SENP8: variants seen among roughly 807,000 people sequenced by gnomAD.
SENP8 encodes the protein SUMO peptidase family member, NEDD8 specific.
A neutral mutation model predicts 14.4 loss-of-function variants in SENP8; 10 were observed. The observed-to-expected ratio is 0.69, with a 90% CI of 0.43 to 1.18. The LOEUF (loss-of-function observed/expected upper bound fraction) is 1.18, where lower values mean the gene tolerates loss of function less well. Ranked by LOEUF, SENP8 falls within the 50% of genes most tolerant of loss-of-function variation. The pLI, the probability that SENP8 is intolerant of heterozygous loss-of-function variation, is 0.00. For missense variants in SENP8, 202 were observed against 249.4 expected (o/e 0.81, Z 1.28); for synonymous variants, 94 against 95.5 (o/e 0.98, Z 0.09).
At chr15:72,124,868 C>T (rs1045853837) in intron 1 of SENP8, among the ~76,000 whole-genome samples, 1 of 152,082 alleles carries the variant, frequency 6.6e-6, no homozygotes, top group African/African-American at 2.4e-5. Flanking sequence ...GATATTTACA[C>T]TTGATGGATA....
intron 1 of SENP8, among the ~76,000 whole-genome samples, chr15:72,133,792 C>T (rs928419539): frequency 6.6e-6 from 1 of 152,144 alleles, no homozygotes; most frequent in Non-Finnish European, 1.5e-5. Flanking sequence ...GAAACTATTT[C>T]ATTCTCACTC....
upstream of SENP8, among the ~76,000 whole-genome samples, chr15:72,115,859 GACACA>G (rs2080952873): frequency 6.6e-6 from 1 of 151,914 alleles, no homozygotes; most frequent in African/African-American, 2.4e-5. Flanking sequence ...TATAACATCA[GACACA>G]TTTAAAAGAA....
chr15:72,120,269 A>C lies in SENP8; in HGVS notation c.-48+1805A>C, dbSNP rs2081153248. 2.6e-5 allele frequency among the ~76,000 whole-genome samples: 4 copies of C among 152,230 alleles called. No homozygotes were observed. The South Asian group carries it at 8.3e-4, about 32-fold the overall frequency. On this transcript the variant is annotated intron_variant, in intron 1 of 1. Coordinates refer to ENST00000340912, the MANE Select transcript of SENP8 (RefSeq NM_145204.4). ...AAGCAGGCCTTTAAACAAAGAATTC[A>C]CTTGGCAGGCAGAGAAGCTGTATGA...
At chr15:72,128,987 G>A (rs898029310) in intron 1 of SENP8, among the ~76,000 whole-genome samples, 11 of 152,046 alleles carry the variant, frequency 7.2e-5, no homozygotes, top group African/African-American at 2.7e-4. Flanking sequence ...ATGAGTAAAG[G>A]TCACAATTCT....
At chr15:72,135,988 C>T (rs1335838512) in intron 1 of SENP8, among the ~76,000 whole-genome samples, 1 of 152,198 alleles carries the variant, frequency 6.6e-6, no homozygotes, top group African/African-American at 2.4e-5. Flanking sequence ...GAGACAGATG[C>T]TGTAGCCAGG....
At chr15:72,139,462 C>A in intron 1 of SENP8, 115 bp from the exon 2 acceptor site, 1 of 1,032,726 alleles carries the variant, frequency 9.7e-7, no homozygotes, top group Non-Finnish European at 1.4e-6. Context: ...AGATCAAACC[C>A]ACCTTGTCCA....
At chr15:72,122,730 G>A (rs928424571) in intron 1 of SENP8, among the ~76,000 whole-genome samples, 5 of 152,138 alleles carry the variant, frequency 3.3e-5, no homozygotes, top group South Asian at 2.1e-4. Context: ...CACCTTTTGC[G>A]GGAGGAGGAG....
At chr15:72,122,899 C>CA (rs1453638665) in intron 1 of SENP8, among the ~76,000 whole-genome samples, 1 of 152,138 alleles carries the variant, frequency 6.6e-6, no homozygotes, top group Non-Finnish European at 1.5e-5. Flanking sequence ...GTCTTGATCC[C>CA]AAAAAATTTG....
chr15:72,128,495 A>T (rs893505351), intron 1 of SENP8, among the ~76,000 whole-genome samples: 6 of 152,178 alleles, frequency 3.9e-5, no homozygotes, highest in Non-Finnish European at 7.4e-5. Context: ...AAACAGAAAA[A>T]ATTGCCTGCC....
chr15:72,142,009 A>G lies in SENP8; in HGVS notation c.*1747A>G, dbSNP rs2081383883. ...CTTTCTGACAATGCAAAGTATGTTT[A>G]TTTAAATATCAGAGTATCTTCAATC... On this transcript the variant is annotated 3_prime_UTR_variant, in exon 2 of 2. Transcript: ENST00000340912. The G allele has an allele frequency of 6.6e-6, 1 of 152,228 alleles. No individual in the cohort carries two copies. The highest frequency in any genetic ancestry group is 2.1e-4 in the South Asian group (1 of 4,834). 9.4% of individuals were successfully genotyped at this position (152,228 alleles called of 1,614,324 possible). A position where few individuals can be genotyped will look rare whatever the true frequency, so the allele number is the denominator to read the frequency against.
chr15:72,135,710 G>C (rs150696175), intron 1 of SENP8, among the ~76,000 whole-genome samples: 1 of 152,346 alleles, frequency 6.6e-6, no homozygotes, highest in East Asian at 1.9e-4. Context: ...TTAACATTTT[G>C]TCTATGTGCT....
chr15:72,123,287 T>C (rs1048372943), intron 1 of SENP8, among the ~76,000 whole-genome samples: 12 of 152,232 alleles, frequency 7.9e-5, no homozygotes, highest in African/African-American at 2.9e-4. Flanking sequence ...AACCACTCCT[T>C]ATCAGACTTT....
chr15:72,132,276 T>C (rs1057192001), intron 1 of SENP8, among the ~76,000 whole-genome samples: 2 of 151,958 alleles, frequency 1.3e-5, no homozygotes, highest in Non-Finnish European at 2.9e-5. Flanking sequence ...CAAGACCAAG[T>C]ACACAGATCC....
chr15:72,116,325 A>G (rs2080976372), upstream of SENP8, among the ~76,000 whole-genome samples: 1 of 152,224 alleles, frequency 6.6e-6, no homozygotes, highest in Non-Finnish European at 1.5e-5. Flanking sequence ...AGACCTCTTT[A>G]TATTTCATCT....
At chr15:72,132,748 C>T (rs2081287168) in intron 1 of SENP8, among the ~76,000 whole-genome samples, 1 of 151,594 alleles carries the variant, frequency 6.6e-6, no homozygotes, top group South Asian at 2.1e-4. Flanking sequence ...CTCTGCCTCC[C>T]GTTTTATCTA....
At chr15:72,117,455 G>T (rs1165690124), upstream of SENP8, among the ~76,000 whole-genome samples, 2 of 152,176 alleles carry the variant, frequency 1.3e-5, no homozygotes, top group Non-Finnish European at 2.9e-5. Flanking sequence ...GAATCTCCGG[G>T]GAGGCTGGAG....
rs756311953 is a variant in SENP8, at chr15:72,139,767, T to G, written c.144T>G (p.Ser48=). The G allele has an allele frequency of 1.9e-6, 3 of 1,614,090 alleles. No individual in the cohort carries two copies. Residue 48 remains serine (S), a synonymous_variant, in exon 2 of 2, where the codon TCT becomes TCG. Transcript: ENST00000340912. ...CCAACAGTCAGTTTCATGACTGCTCTGATCACGTCAGTTTCATCAGCCCTG... is the reference window on the plus strand; with the variant it reads ...CCAACAGTCAGTTTCATGACTGCTCGGATCACGTCAGTTTCATCAGCCCTG... The part of the protein sequence containing the change: ...YFANSQFHDC[S]DHVSFISPEV...
chr15:72,117,608 G>A (rs945843658), upstream of SENP8: 4 of 392,066 alleles, frequency 1.0e-5, no homozygotes, highest in African/African-American at 6.2e-5. Flanking sequence ...GGCCCGACCG[G>A]AGCCAAATAG....
intron 1 of SENP8, among the ~76,000 whole-genome samples, chr15:72,127,745 G>C (rs760189687): frequency 7.9e-5 from 12 of 152,162 alleles, no homozygotes; most frequent in Non-Finnish European, 1.5e-4. Context: ...TGTTAGGCTA[G>C]GTCAAGAAAG....
Sources: allele counts gnomAD v4.1 joint callset (sites outside exome capture counted in the v4.1 genomes callset), GRCh38; gene constraint gnomAD v4.1.1; transcripts MANE v1.5; gene names NCBI Gene and HGNC (gene_info 2026-07-23, HGNC 2026-07-21).